LINGO2: variants seen among roughly 807,000 people sequenced by gnomAD.
LINGO2 encodes the protein leucine-rich repeat and immunoglobulin-like domain-containing nogo receptor-interacting protein 2.
Under a neutral mutation model 30.6 loss-of-function variants are expected in LINGO2, and 14 were observed. The observed-to-expected ratio is 0.46, with a 90% confidence interval of 0.30 to 0.72. The LOEUF (loss-of-function observed/expected upper bound fraction) is 0.72. LINGO2 is among the 30% of genes least tolerant of loss of function. The pLI is 0.07. For missense variants in LINGO2, 729 were observed against 751.7 expected (o/e 0.97, Z 0.35); for synonymous variants, 317 against 288.5 (o/e 1.10, Z -1.00).
the LINGO2 span, among the ~76,000 whole-genome samples, chr9:28,838,352 C>T: frequency 6.6e-6 from 1 of 152,098 alleles, no homozygotes; most frequent in Admixed American, 6.5e-5. Flanking sequence ...TCATACAATA[C>T]ATTATTTCAT....
intron 5 of LINGO2, among the ~76,000 whole-genome samples, chr9:27,983,085 T>A (rs571916582): frequency 6.6e-6 from 1 of 151,988 alleles, no homozygotes; most frequent in South Asian, 2.1e-4. Context: ...AACATTTTCA[T>A]ACGTCCTAAT....
rs186551480 is a variant in LINGO2 at position 28,033,421 on chromosome 9, T to G, written c.-86-21016A>C. On this transcript the variant is annotated intron_variant, in intron 4 of 5. Coordinates refer to ENST00000379992, the Ensembl canonical transcript of LINGO2. ...ATCAAAGGTTCTTGCCCACTTGCAC[T>G]GGCCTGCTGTTCTGCCCTACTGAAA... 9.7e-4 allele frequency among the ~76,000 whole-genome samples: 148 copies of G among 152,280 alleles called. No homozygotes were observed. The East Asian group carries it at 0.02, about 21-fold the overall frequency.
At chr9:28,303,765 T>A (rs1033910201) in intron 3 of LINGO2, among the ~76,000 whole-genome samples, 12 of 152,036 alleles carry the variant, frequency 7.9e-5, no homozygotes, top group African/African-American at 2.9e-4. Flanking sequence ...CTTCATTGTC[T>A]TCATGTTGAG....
rs566106093 is a variant in LINGO2, at chr9:28,245,761, G to A, written c.-87+49447C>T. On this transcript the variant is annotated intron_variant, in intron 4 of 5. Coordinates refer to ENST00000379992, the Ensembl canonical transcript of LINGO2. Reference sequence around the variant, plus strand: ...GGGATGTGGAGAAACTCTTCAAGGAGAACTACAAACCACTGCTCAAGGCAA... The same window carrying A: ...GGGATGTGGAGAAACTCTTCAAGGAAAACTACAAACCACTGCTCAAGGCAA... Among the ~76,000 whole-genome samples the A allele has an allele frequency of 9.2e-5, 14 of 152,190 alleles. 1 individual carries two copies. The South Asian group carries it at 2.7e-3, about 29-fold the overall frequency.
intron 5 of LINGO2, among the ~76,000 whole-genome samples, chr9:27,964,634 A>G (rs1486861109): frequency 1.3e-5 from 2 of 152,120 alleles, no homozygotes; most frequent in East Asian, 3.9e-4. Context: ...TATTCAGGGG[A>G]GGTAAGAGGA....
At chr9:28,764,075 T>C in the LINGO2 span, among the ~76,000 whole-genome samples, 1 of 151,622 alleles carries the variant, frequency 6.6e-6, no homozygotes, top group South Asian at 2.1e-4. Flanking sequence ...GATGACTTAA[T>C]GACTGAATTC....
chr9:28,769,397 C>T, the LINGO2 span, among the ~76,000 whole-genome samples: 20 of 133,604 alleles, frequency 1.5e-4, no homozygotes, highest in Admixed American at 1.5e-3. Context: ...TCTTTAAGTA[C>T]AAGACATTGG....
intron 1 of LINGO2, among the ~76,000 whole-genome samples, chr9:28,669,848 G>A (rs12002780): frequency 0.023 from 3,483 of 151,986 alleles, 81 homozygotes; most frequent in African/African-American, 0.052. Flanking sequence ...TTCAGTCACC[G>A]CACTTTCAAA....
intron 1 of LINGO2, among the ~76,000 whole-genome samples, chr9:28,590,125 C>T (rs1432894935): frequency 6.6e-6 from 1 of 152,064 alleles, no homozygotes; most frequent in Non-Finnish European, 1.5e-5. Context: ...AAACTGGATC[C>T]CTTCCTGACA....
At chr9:28,134,377 A>G (rs1183902607) in intron 4 of LINGO2, among the ~76,000 whole-genome samples, 1 of 152,216 alleles carries the variant, frequency 6.6e-6, no homozygotes, top group African/African-American at 2.4e-5. Flanking sequence ...AAGCATCAGG[A>G]AAACAAAGAA....
the LINGO2 span, among the ~76,000 whole-genome samples, chr9:28,819,411 A>T: frequency 6.6e-6 from 1 of 152,146 alleles, no homozygotes; most frequent in Admixed American, 6.5e-5. Context: ...AAGCATTTAT[A>T]AAAAAAGTTT....
rs114675415 is a variant in LINGO2 at position 28,108,121 on chromosome 9, T to C, written c.-86-95716A>G. ...GGAGTACATATAGGTCTTAGAGCTT[T>C]CCCTGAATGAGTCTTGCCTTTGCAC... On this transcript the variant is annotated intron_variant, in intron 4 of 5. Transcript: ENST00000379992. Among the ~76,000 whole-genome samples, 155 of 152,270 alleles carry C rather than the reference T, an allele frequency of 1.0e-3. No homozygotes were observed. The Middle Eastern group carries it at 0.01, about 10-fold the overall frequency.
At chr9:28,653,666 A>C (rs559344249) in intron 1 of LINGO2, among the ~76,000 whole-genome samples, 1 of 152,294 alleles carries the variant, frequency 6.6e-6, no homozygotes, top group Non-Finnish European at 1.5e-5. Context: ...AATATAAATA[A>C]GAGTCAAATA....
the LINGO2 span, among the ~76,000 whole-genome samples, chr9:29,042,837 A>G: frequency 1.3e-5 from 2 of 151,686 alleles, no homozygotes; most frequent in African/African-American, 4.9e-5. Flanking sequence ...AAAAAGTTAC[A>G]TAACATATGT....
At chr9:28,760,945 T>TAC in the LINGO2 span, among the ~76,000 whole-genome samples, 2,815 of 136,130 alleles carry the variant, frequency 0.021, 84 homozygotes, top group African/African-American at 0.061. Flanking sequence ...TATATATATA[T>TAC]ACACACACAC....
At chr9:27,950,339 G>A in exon 6 of LINGO2, 1 of 1,614,160 alleles carries the variant, frequency 6.2e-7, no homozygotes, top group Non-Finnish European at 8.5e-7. Context: ...TGCCTTTTAG[G>A]CGGAGGGAAC....
chr9:28,959,537 A>T, the LINGO2 span, among the ~76,000 whole-genome samples: 23 of 151,740 alleles, frequency 1.5e-4, no homozygotes, highest in African/African-American at 5.3e-4. Flanking sequence ...ACAAGGAATT[A>T]AATTTATTTA....
At chr9:28,350,072 T>A (rs1428590434) in intron 3 of LINGO2, among the ~76,000 whole-genome samples, 6 of 151,338 alleles carry the variant, frequency 4.0e-5, no homozygotes, top group African/African-American at 1.5e-4. Context: ...CCATTGAGAC[T>A]AGGAAGAAAC....
chr9:28,857,048 A>G, the LINGO2 span, among the ~76,000 whole-genome samples: 1 of 152,030 alleles, frequency 6.6e-6, no homozygotes, highest in African/African-American at 2.4e-5. Context: ...ACAGAATTCA[A>G]GGGAAGTGAC....
Sources: allele counts gnomAD v4.1 joint callset (sites outside exome capture counted in the v4.1 genomes callset), GRCh38; gene constraint gnomAD v4.1.1; transcripts MANE v1.5; gene names NCBI Gene and HGNC (gene_info 2026-07-23, HGNC 2026-07-21).